COL2A1: variants seen among roughly 807,000 people sequenced by gnomAD.
COL2A1 encodes the protein collagen type II alpha 1 chain.
In COL2A1, 28 loss-of-function variants were observed where a neutral mutation model predicts 204.5. That is an observed-to-expected ratio of 0.14 (90% CI 0.10 to 0.19). The LOEUF (loss-of-function observed/expected upper bound fraction) is 0.19. Among genes scored for constraint, COL2A1 ranks in the 10% least tolerant of loss-of-function variants. COL2A1 has a pLI of 1.00. For missense variants in COL2A1, 1,388 were observed against 2,027.5 expected (o/e 0.68, Z 6.06); for synonymous variants, 708 against 718.7 (o/e 0.99, Z 0.24).
At position 47,987,365 on chromosome 12, in the gene COL2A1, C is replaced by T. The variant is rs749724270; in HGVS notation, c.1222-52G>A. 7 of 1,586,496 alleles carry T rather than the reference C, an allele frequency of 4.4e-6. No homozygotes were observed. In the East Asian group the frequency reaches 6.7e-5, roughly 15 times the overall value. On this transcript the variant is annotated intron_variant, in intron 19 of 53. Transcript: ENST00000380518. The surrounding 1 kb of genome is among the most constrained non-coding windows in gnomAD (Gnocchi z 4.1). ...GCAGCAAAGAATGAACCCCAACCAC[C>T]TCCAGCCCTCCAGGATCCAGATCCA... is the stretch of plus-strand genomic sequence containing the variant.
chr12:47,985,085 A>G lies in COL2A1; in HGVS notation c.1743T>C (p.Pro581=), dbSNP rs755517458. ...PQGKVGPSGA[P]GEDGRPGPPG... is the part of the protein sequence containing the mutation. ...GAGGTCCAGGACGACCATCTTCACCAGGGGCTCCCTGAAAGACAGAACACC... is the reference window on the plus strand; with the variant it reads ...GAGGTCCAGGACGACCATCTTCACCGGGGGCTCCCTGAAAGACAGAACACC... The change falls in exon 27 of 54, where the codon CCT becomes CCC. Residue 581 remains proline, a synonymous_variant. Coordinates refer to ENST00000380518, the MANE Select transcript of COL2A1 (RefSeq NM_001844.5). 6.2e-5 allele frequency: 100 copies of G among 1,612,984 alleles called. No homozygotes were observed. Among genetic ancestry groups the G allele is most frequent in the Non-Finnish European group, 8.5e-5 (100 of 1,179,558 alleles).
intron 28 of COL2A1, among the ~76,000 whole-genome samples, 154 bp downstream of exon 28, chr12:47,984,392 A>T (rs922918170): frequency 2.0e-5 from 3 of 151,812 alleles, no homozygotes; most frequent in African/African-American, 4.8e-5. Flanking sequence ...CTGTGTAGAC[A>T]CCCAAAGGGC....
At chr12:47,985,987 A>G in intron 23 of COL2A1, 22 bp from the exon 24 acceptor site, 1 of 1,551,304 alleles carries the variant, frequency 6.4e-7, no homozygotes, top group Non-Finnish European at 8.7e-7. Flanking sequence ...CAGGGAGGAG[A>G]GGCAGTGAGT....
rs762031526 is a variant in COL2A1, at chr12:47,980,734, G to C, written c.2518-73C>G. 4.8e-6 allele frequency: 7 copies of C among 1,459,652 alleles called. No homozygotes were observed. The highest frequency in any genetic ancestry group is 1.9e-5 in the Admixed American group (1 of 51,742). 90.4% of individuals were successfully genotyped at this position (1,459,652 alleles called of 1,614,324 possible). On this transcript the variant is annotated intron_variant, in intron 38 of 53. Transcript: ENST00000380518. The surrounding 1 kb of genome is among the most constrained non-coding windows in gnomAD (Gnocchi z 4.5). ...CTGGAGCTCTTCCAGAAGAGCAGGA[G>C]ACTCTGTGAGTATCTGCGTGTGTGT...
At chr12:47,993,251 G>T (rs762374855) in intron 15 of COL2A1, among the ~76,000 whole-genome samples, 1 of 152,198 alleles carries the variant, frequency 6.6e-6, no homozygotes, top group Non-Finnish European at 1.5e-5. Flanking sequence ...TTAAATGGGA[G>T]CATCTTTAGT....
intron 1 of COL2A1, chr12:48,001,114 T>G (rs1940210881): frequency 6.6e-6 from 1 of 152,300 alleles, no homozygotes; most frequent in Non-Finnish European, 1.5e-5. Context: ...AAACCTGTGC[T>G]GACAAGAGCG....
At position 47,973,004 on chromosome 12, in the gene COL2A1, A is replaced by C. The variant is rs1319837011; in HGVS notation, c.*403T>G. 2.0e-6 allele frequency: 1 copy of C among 502,106 alleles called. No individual in the cohort carries two copies. The highest frequency in any genetic ancestry group is 3.5e-6 in the Non-Finnish European group (1 of 286,992). 31.1% of individuals were successfully genotyped at this position (502,106 alleles called of 1,614,324 possible). On this transcript the variant is annotated 3_prime_UTR_variant, in exon 54 of 54. Transcript: ENST00000380518. ...ATCTTTTCATTTTTAATATCAATTG[A>C]TGTTTTAAAAAATACAGAGGTGTTT... is the stretch of plus-strand genomic sequence containing the variant.
rs756815438 is a variant in COL2A1, at chr12:47,977,632, G to T, written c.3133C>A (p.Pro1045Thr). ...GREGSPGADG[P>T]PGRDGAAGVK... ...CCAGCAGCGCCATCTCTGCCAGGGG[G>T]GCCATCAGCACCGGGGCTTCCCTGG... The change falls in exon 45 of 54, where the codon CCC becomes ACC. Residue 1045 changes from proline (P) to threonine (T), a missense_variant. Pro to Thr is a conservative substitution (Grantham distance 38). This residue lies in a region of COL2A1 where 884 missense variants were observed against 1,415.8 expected (regional missense o/e 0.62). Transcript: ENST00000380518. The T allele has an allele frequency of 2.5e-6, 4 of 1,613,972 alleles. No individual in the cohort carries two copies. Among genetic ancestry groups the T allele is most frequent in the South Asian group, 2.2e-5 (2 of 91,074 alleles).
chr12:47,989,916 G>A, intron 16 of COL2A1, 111 bp from the exon 17 acceptor site: 2 of 1,057,920 alleles, frequency 1.9e-6, no homozygotes, highest in Non-Finnish European at 2.9e-6. Flanking sequence ...GGGTGTCCCA[G>A]GGCAGAGCAC....
intron 26 of COL2A1, 57 bp from the exon 27 acceptor site, chr12:47,985,150 C>A: frequency 7.1e-7 from 1 of 1,410,442 alleles, no homozygotes; most frequent in East Asian, 2.3e-5. Context: ...TCCATCCACC[C>A]AACATCCACT....
rs1939293070 is a variant in COL2A1, at chr12:47,984,722, A to G, written c.1834-123T>C. Reference sequence around the variant, plus strand: ...ATGGACAGCCAAGATAAAGCAAAGTATCAGCCCTTCTCTTCTGTTCAGGGG... The same window carrying G: ...ATGGACAGCCAAGATAAAGCAAAGTGTCAGCCCTTCTCTTCTGTTCAGGGG... On this transcript the variant is annotated intron_variant, in intron 27 of 53. Transcript: ENST00000380518. 4.2e-6 allele frequency: 4 copies of G among 943,152 alleles called. No individual in the cohort carries two copies. In the Admixed American group the frequency reaches 7.8e-5, roughly 18 times the overall value. The allele number at this position is 943,152 out of a possible 1,614,324, so 58.4% of individuals were successfully genotyped here.
Position 47,994,410 on chromosome 12 carries a change from A to G in COL2A1, c.816+14T>C, listed in dbSNP as rs1242962883. On this transcript the variant is annotated intron_variant, in intron 12 of 53. Transcript: ENST00000380518. ...CTAGGAAAGATGCCTGAGGCTGGGA[A>G]CGGTGGCGTTTACCTGAGGACCAGG... 9 of 1,613,954 alleles carry G rather than the reference A, an allele frequency of 5.6e-6. No individual in the cohort carries two copies. The highest frequency in any genetic ancestry group is 7.6e-6 in the Non-Finnish European group (9 of 1,179,988).
At position 47,977,935 on chromosome 12, in the gene COL2A1, C is replaced by T. The variant is rs1938813654; in HGVS notation, c.3111+75G>A. ...TCCAGGGCCCTGACTGGGACTTGTCCTTGCTGACCCAGCACAGAGACTCAC... is the reference window on the plus strand; with the variant it reads ...TCCAGGGCCCTGACTGGGACTTGTCTTTGCTGACCCAGCACAGAGACTCAC... On this transcript the variant is annotated intron_variant, in intron 44 of 53. Coordinates refer to ENST00000380518, the MANE Select transcript of COL2A1 (RefSeq NM_001844.5). 3.6e-6 allele frequency: 5 copies of T among 1,397,120 alleles called. No homozygotes were observed. The East Asian group carries it at 1.2e-4, about 33-fold the overall frequency. 86.5% of individuals were successfully genotyped at this position (1,397,120 alleles called of 1,614,324 possible). A position where few individuals can be genotyped will look rare whatever the true frequency, so the allele number is the denominator to read the frequency against.
chr12:47,998,174 T>G lies in COL2A1; in HGVS notation c.337A>C (p.Lys113Gln). The G allele has an allele frequency of 6.2e-7, 1 of 1,614,136 alleles. No individual in the cohort carries two copies. The highest frequency in any genetic ancestry group is 1.7e-5 in the Admixed American group (1 of 60,024). ...KGQKGEPGDI[K>Q]DIVGPKGPPG... ...TGAGAATAATTTGCACTTACATCCT[T>G]GATGTCTCCAGGTTCTCCTTTCTGT... is the stretch of plus-strand genomic sequence containing the variant. The change falls in exon 4 of 54, where the codon AAG becomes CAG. Residue 113 changes from lysine (K) to glutamine (Q), a missense_variant. Lys to Gln is a moderately conservative substitution (Grantham distance 53). Coordinates refer to ENST00000380518, the MANE Select transcript of COL2A1 (RefSeq NM_001844.5).
intron 51 of COL2A1, 60 bp downstream of exon 51, chr12:47,975,257 C>T (rs1938642221): frequency 1.9e-6 from 3 of 1,602,976 alleles, no homozygotes; most frequent in Non-Finnish European, 2.6e-6. Flanking sequence ...TCCCTTGCTG[C>T]TAGGCCTAAG....
intron 37 of COL2A1, 81 bp from the exon 38 acceptor site, chr12:47,981,049 C>A: frequency 7.4e-7 from 1 of 1,349,392 alleles, no homozygotes; most frequent in Non-Finnish European, 1.0e-6. Flanking sequence ...CCCCTTGGGC[C>A]CTGCCCAGCC....
In COL2A1 at chr12:47,975,383, C is replaced by G. The variant is rs201635345; in HGVS notation, c.3820G>C (p.Gly1274Arg). Reference protein sequence around the residue: ...NQIESIRSPEGSRKNPARTCR... With the variant: ...NQIESIRSPERSRKNPARTCR... Reference sequence around the variant, plus strand: ...GTGCGAGCAGGGTTCTTGCGGGAGCCCTCGGGGCTGCGGATGCTCTCAATC... The same window carrying G: ...GTGCGAGCAGGGTTCTTGCGGGAGCGCTCGGGGCTGCGGATGCTCTCAATC... The change falls in exon 51 of 54, where the codon GGC becomes CGC. Residue 1274 changes from glycine (G) to arginine (R), a missense_variant. By Grantham distance (125) the Gly-to-Arg change is moderately radical. Transcript: ENST00000380518. 1 of 1,614,182 alleles carries G rather than the reference C, an allele frequency of 6.2e-7. No individual in the cohort carries two copies. The highest frequency in any genetic ancestry group is 8.5e-7 in the Non-Finnish European group (1 of 1,180,026).
chr12:47,972,973 C>A lies in COL2A1; in HGVS notation c.*434G>T. On this transcript the variant is annotated 3_prime_UTR_variant, in exon 54 of 54. Transcript: ENST00000380518. Reference sequence around the variant, plus strand: ...CAAACCACAAGTCAATATGTACTTTCCAATAATCTTTTCATTTTTAATATC... The same window carrying A: ...CAAACCACAAGTCAATATGTACTTTACAATAATCTTTTCATTTTTAATATC... The A allele has an allele frequency of 2.0e-6, 1 of 495,416 alleles. No individual in the cohort carries two copies. The highest frequency in any genetic ancestry group is 3.5e-6 in the Non-Finnish European group (1 of 283,918). The allele number at this position is 495,416 out of a possible 1,614,324, so 30.7% of individuals were successfully genotyped here. A position where few individuals can be genotyped will look rare whatever the true frequency, so the allele number is the denominator to read the frequency against.
intron 1 of COL2A1, 146 bp downstream of exon 1, chr12:48,004,091 T>C (rs2136651806): frequency 1.5e-6 from 1 of 672,622 alleles, no homozygotes; most frequent in Non-Finnish European, 2.8e-6. Flanking sequence ...AACTTCTGCG[T>C]GTCCTGTGCC....
Sources: gnomAD v4.1 joint callset for allele counts (sites outside exome capture counted in the v4.1 genomes callset) on GRCh38, gnomAD v4.1.1 for gene constraint, gnomAD v4.1.1 regional missense constraint, Gnocchi (gnomAD v3.1) non-coding constraint, MANE v1.5 for transcripts, NCBI Gene and HGNC (gene_info 2026-07-23, HGNC 2026-07-21) for gene names.